The following PARD3 variants were observed in gnomAD, a reference collection of about 807,000 sequenced individuals.
PARD3 encodes the protein partitioning defective 3 homolog.
A neutral mutation model predicts 155.4 loss-of-function variants in PARD3; 75 were observed. The ratio of observed to expected loss-of-function variants is 0.48; its 90% CI spans 0.40 to 0.58. The LOEUF (loss-of-function observed/expected upper bound fraction) is 0.58, where lower values mean the gene tolerates loss of function less well. Among genes scored for constraint, PARD3 ranks in the 20% least tolerant of loss-of-function variants. PARD3 has a pLI of 0.00. For synonymous variants in PARD3, 576 were observed against 610.5 expected (o/e 0.94, Z 0.83); for missense variants, 1,642 against 1,721.7 (o/e 0.95, Z 0.82).
chr10:34,570,972 T>C (rs2086344022), intron 2 of PARD3, among the ~76,000 whole-genome samples: 1 of 152,124 alleles, frequency 6.6e-6, no homozygotes, highest in South Asian at 2.1e-4. Flanking sequence ...CAACAACATG[T>C]GGAAGGGGCA....
At chr10:34,643,805 T>C (rs1239897201) in intron 2 of PARD3, among the ~76,000 whole-genome samples, 4 of 151,986 alleles carry the variant, frequency 2.6e-5, no homozygotes, top group Non-Finnish European at 4.4e-5. Flanking sequence ...TAGTCCCAGC[T>C]ACTTGGGAGG....
intron 19 of PARD3, among the ~76,000 whole-genome samples, chr10:34,323,510 T>C (rs1291402383): frequency 6.6e-6 from 1 of 152,162 alleles, no homozygotes; most frequent in East Asian, 1.9e-4. Flanking sequence ...TTTCAGCAAC[T>C]GGGAGAAAGT....
At chr10:34,515,163 A>G (rs2081633627) in intron 3 of PARD3, among the ~76,000 whole-genome samples, 1 of 152,238 alleles carries the variant, frequency 6.6e-6, no homozygotes, top group South Asian at 2.1e-4. Context: ...TAAAAAATCA[A>G]CCAGGGTAAC....
chr10:34,444,638 G>A (rs767845157), intron 5 of PARD3, among the ~76,000 whole-genome samples: 7 of 152,112 alleles, frequency 4.6e-5, no homozygotes, highest in Non-Finnish European at 1.0e-4. Context: ...ACTCTTTTTG[G>A]AAATCATATT....
intron 22 of PARD3, among the ~76,000 whole-genome samples, chr10:34,220,529 C>CA: frequency 6.6e-6 from 1 of 152,240 alleles, no homozygotes; most frequent in East Asian, 1.9e-4. Context: ...TGACTCTTGG[C>CA]AGAGAGTGAA....
At chr10:34,532,048 T>A (rs1156749206) in intron 2 of PARD3, among the ~76,000 whole-genome samples, 5 of 152,160 alleles carry the variant, frequency 3.3e-5, no homozygotes, top group Non-Finnish European at 7.3e-5. Flanking sequence ...CAGTTAATTT[T>A]ATGCAGTTGC....
At chr10:34,162,542 G>A (rs1039007646) in intron 22 of PARD3, among the ~76,000 whole-genome samples, 5 of 152,118 alleles carry the variant, frequency 3.3e-5, no homozygotes, top group African/African-American at 4.8e-5. Flanking sequence ...ATGCATTTTG[G>A]CAGTGCCTAC....
intron 7 of PARD3, among the ~76,000 whole-genome samples, chr10:34,398,485 AGAAAT>A (rs1440210948): frequency 1.3e-5 from 2 of 152,202 alleles, no homozygotes; most frequent in African/African-American, 2.4e-5. Flanking sequence ...TAGCAATAAA[AGAAAT>A]AAGTTAAAAA....
intron 1 of PARD3, among the ~76,000 whole-genome samples, chr10:34,703,438 A>C (rs943907984): frequency 6.9e-6 from 1 of 144,860 alleles, no homozygotes; most frequent in Non-Finnish European, 1.5e-5. Flanking sequence ...GAGAAGTTGA[A>C]AATATCTCCC....
intron 1 of PARD3, among the ~76,000 whole-genome samples, chr10:34,761,390 A>T (rs1837421782): frequency 6.6e-6 from 1 of 152,286 alleles, no homozygotes; most frequent in Admixed American, 6.5e-5. Context: ...CAGCCTGGGT[A>T]ACACAGCGAG....
At position 34,218,684 on chromosome 10, in the gene PARD3, G is replaced by C. The variant is rs527431162; in HGVS notation, c.3419+50973C>G. Among the ~76,000 whole-genome samples the C allele has an allele frequency of 1.8e-4, 28 of 152,040 alleles. No individual in the cohort carries two copies. The South Asian group carries it at 4.6e-3, about 25-fold the overall frequency. On this transcript the variant is annotated intron_variant, in intron 22 of 24. Transcript: ENST00000374788. Reference sequence around the variant, plus strand: ...TGACAGCAATGAAGAAGTTGGAAGAGGAAGAAAAAAAGAAGAATCAGCCAT... The same window carrying C: ...TGACAGCAATGAAGAAGTTGGAAGACGAAGAAAAAAAGAAGAATCAGCCAT...
At chr10:34,598,705 G>T (rs1345087389) in intron 2 of PARD3, among the ~76,000 whole-genome samples, 1 of 152,142 alleles carries the variant, frequency 6.6e-6, no homozygotes, top group Non-Finnish European at 1.5e-5. Context: ...GAAAACAAGG[G>T]CAGGGGTTCA....
At chr10:34,266,308 T>C (rs1292689935) in intron 22 of PARD3, among the ~76,000 whole-genome samples, 1 of 151,974 alleles carries the variant, frequency 6.6e-6, no homozygotes, top group Non-Finnish European at 1.5e-5. Context: ...GAACAGACAA[T>C]GGAGGTGATA....
intron 20 of PARD3, among the ~76,000 whole-genome samples, chr10:34,312,809 G>A (rs1418550270): frequency 2.0e-5 from 3 of 152,114 alleles, no homozygotes; most frequent in Non-Finnish European, 4.4e-5. Context: ...TCACGTCTAA[G>A]AACCTTCAGT....
rs1588867449 is a variant in PARD3 at position 34,810,186 on chromosome 10, C to T, written c.120+4690G>A. Among the ~76,000 whole-genome samples, 7 of 152,292 alleles carry T rather than the reference C, an allele frequency of 4.6e-5. No individual in the cohort carries two copies. The South Asian group carries it at 1.5e-3, about 32-fold the overall frequency. ...TACTGAGCACCCACATGACGCCACA[C>T]CTGGAAAATTCCACATGTAAGTACT... On this transcript the variant is annotated intron_variant, in intron 1 of 24. Transcript: ENST00000374788.
chr10:34,631,827 G>T (rs575277778), intron 2 of PARD3, among the ~76,000 whole-genome samples: 6 of 152,086 alleles, frequency 3.9e-5, no homozygotes, highest in African/African-American at 1.4e-4. Flanking sequence ...CAAACTCCTC[G>T]CCTCAAGTGA....
rs747980444 is a variant in PARD3 at position 34,417,596 on chromosome 10, G to A, written c.715-15679C>T. Among the ~76,000 whole-genome samples the A allele has an allele frequency of 4.6e-5, 7 of 152,200 alleles. No individual in the cohort carries two copies. The South Asian group carries it at 8.3e-4, about 18-fold the overall frequency. ...TTTTCAAAATAAAGAAAATAATTTC[G>A]ATTGTTTGGGTTTATTTTGAACTTG... On this transcript the variant is annotated intron_variant, in intron 5 of 24. Transcript: ENST00000374788.
At chr10:34,130,582 A>C (rs533980843) in intron 23 of PARD3, among the ~76,000 whole-genome samples, 22 of 152,242 alleles carry the variant, frequency 1.4e-4, no homozygotes, top group African/African-American at 5.3e-4. Context: ...CATCTCAAAA[A>C]ATCTGTCCCA....
chr10:34,359,230 G>T lies in PARD3; in HGVS notation c.1984C>A (p.Leu662Ile). ...GKTNQDAMETLRRSMSTEGNK... is the reference protein window; with the variant it reads ...GKTNQDAMETIRRSMSTEGNK... ...CCTTCAGTAGACATAGACCTTCTTA[G>T]GGTTTCCATGGCATCTTGGTTTGTC... is the stretch of plus-strand genomic sequence containing the variant. The change falls in exon 14 of 25, where the codon CTA becomes ATA. Residue 662 changes from leucine (L) to isoleucine (I), a missense_variant. This residue lies in a region of PARD3 where 1,529 missense variants were observed against 1,587.3 expected (regional missense o/e 0.96). Transcript: ENST00000374788. 1 of 1,613,544 alleles carries T rather than the reference G, an allele frequency of 6.2e-7. No individual in the cohort carries two copies. The highest frequency in any genetic ancestry group is 8.5e-7 in the Non-Finnish European group (1 of 1,179,580).
Sources: allele counts gnomAD v4.1 joint callset (sites outside exome capture counted in the v4.1 genomes callset), GRCh38; gene constraint gnomAD v4.1.1; regional missense constraint gnomAD v4.1.1; transcripts MANE v1.5; gene names NCBI Gene and HGNC (gene_info 2026-07-23, HGNC 2026-07-21).